The following ZNF800 variants were observed in gnomAD, a reference collection of about 807,000 sequenced individuals.
The protein encoded by ZNF800 is zinc finger protein 800.
In ZNF800, 13 loss-of-function variants were observed where a neutral mutation model predicts 59.5. That is an observed-to-expected ratio of 0.22 (90% confidence interval 0.14 to 0.35). The LOEUF (loss-of-function observed/expected upper bound fraction) is 0.35. ZNF800 is among the 10% of genes least tolerant of loss of function. ZNF800 has a pLI of 1.00. For missense variants in ZNF800, 621 were observed against 783.7 expected, an observed-to-expected ratio of 0.79 and a Z score of 2.48; for synonymous variants, 266 against 265.7, an observed-to-expected ratio of 1.00 and a Z score of -0.01.
intron 4 of ZNF800, among the ~76,000 whole-genome samples, 188 bp from the exon 5 acceptor site, chr7:127,375,222 A>T (rs909464895): frequency 2.0e-5 from 3 of 152,090 alleles, no homozygotes; most frequent in Non-Finnish European, 4.4e-5. Context: ...ATTTCCTTTA[A>T]ATTCTCATCA....
At chr7:127,389,340 A>G (rs1801236142) in intron 2 of ZNF800, among the ~76,000 whole-genome samples, 1 of 152,208 alleles carries the variant, frequency 6.6e-6, no homozygotes, top group Non-Finnish European at 1.5e-5. Context: ...TAACTAAGAA[A>G]ATACATACAC....
At position 127,374,814 on chromosome 7, in the gene ZNF800, G is replaced by A. The variant is rs746258100; in HGVS notation, c.522C>T (p.Ser174=). The A allele has an allele frequency of 5.6e-6, 9 of 1,613,302 alleles. No individual in the cohort carries two copies. The Admixed American group carries it at 1.3e-4, about 24-fold the overall frequency. ...EQTEVQIQET[S]TEQSKTVPVT... is the part of the protein sequence containing the mutation. ...CCGGTACTGTTTTTGACTGTTCAGTGCTAGTTTCCTGTATCTGAACTTCGG... is the reference window on the plus strand; with the variant it reads ...CCGGTACTGTTTTTGACTGTTCAGTACTAGTTTCCTGTATCTGAACTTCGG... Residue 174 remains serine, a synonymous_variant, in exon 5 of 6, where the codon AGC becomes AGT. Coordinates refer to ENST00000265827, the MANE Select transcript of ZNF800 (RefSeq NM_176814.5).
At chr7:127,349,152 A>G (rs1044843194) in intron 1 of ZNF800, among the ~76,000 whole-genome samples, 1 of 152,190 alleles carries the variant, frequency 6.6e-6, no homozygotes, top group Admixed American at 6.5e-5. Context: ...AAACAGAAAA[A>G]TGTGGGACAA....
chr7:127,358,690 A>G (rs186487694), intron 1 of ZNF800, among the ~76,000 whole-genome samples: 3 of 152,216 alleles, frequency 2.0e-5, no homozygotes, highest in Admixed American at 1.3e-4. Context: ...TTTAGGAATT[A>G]TAAGTCTTTC....
chr7:127,381,767 G>C lies in ZNF800; in HGVS notation c.157+4293C>G, dbSNP rs1800984405. ...GTCCCATTTTAAATTTCCTATAACT[G>C]CTATATAACAACAAAAAAAGAAAAA... On this transcript the variant is annotated intron_variant, in intron 3 of 5. Transcript: ENST00000265827. Among the ~76,000 whole-genome samples the C allele has an allele frequency of 1.3e-5, 2 of 151,932 alleles. 1 individual carries two copies. The highest frequency in any genetic ancestry group is 4.2e-4 in the South Asian group (2 of 4,812).
rs1419864050 is a variant in ZNF800, at chr7:127,371,543, T to G, written c.*271A>C. The G allele has an allele frequency of 3.0e-6, 1 of 330,204 alleles. No individual in the cohort carries two copies. Among genetic ancestry groups the G allele is most frequent in the Non-Finnish European group, 5.5e-6 (1 of 182,178 alleles). 20.5% of individuals were successfully genotyped at this position (330,204 alleles called of 1,614,324 possible). On this transcript the variant is annotated 3_prime_UTR_variant, in exon 6 of 6. Transcript: ENST00000265827. ...ATTTTTGTAGAAACTGTCGACCAAA[T>G]GCACAAGGTCAAGGGTGGATAGCTG...
chr7:127,370,464 G>A lies in ZNF800; in HGVS notation c.*1350C>T, dbSNP rs545249448. 1.9e-4 allele frequency: 29 copies of A among 152,652 alleles called. No homozygotes were observed. Among genetic ancestry groups the A allele is most frequent in the Non-Finnish European group, 3.4e-4 (23 of 67,978 alleles). 9.5% of individuals were successfully genotyped at this position (152,652 alleles called of 1,614,324 possible). A position where few individuals can be genotyped will look rare whatever the true frequency, so the allele number is the denominator to read the frequency against. ...TCCAGCAATAGTTACAGTCTTTCTA[G>A]TTTCCTTTCACAGTATATTTTAGTG... is the stretch of plus-strand genomic sequence containing the variant. On this transcript the variant is annotated 3_prime_UTR_variant, in exon 6 of 6. Coordinates refer to ENST00000265827, the MANE Select transcript of ZNF800 (RefSeq NM_176814.5).
At chr7:127,360,552 G>A (rs561677216) in intron 1 of ZNF800, 8 of 151,938 alleles carry the variant, frequency 5.3e-5, no homozygotes, top group Admixed American at 6.6e-5. Context: ...TCTCCAAAGA[G>A]ACCCAAACTG....
Position 127,371,731 on chromosome 7 carries a change from A to G in ZNF800, c.*83T>C. On this transcript the variant is annotated 3_prime_UTR_variant, in exon 6 of 6. Coordinates refer to ENST00000265827, the MANE Select transcript of ZNF800 (RefSeq NM_176814.5). ...CTTTTTTTCCTCATAGTACCATTTG[A>G]AGATGTTTAGTGGTTCTAACACCAA... 1 of 687,694 alleles carries G rather than the reference A, an allele frequency of 1.5e-6. No individual in the cohort carries two copies. The highest frequency in any genetic ancestry group is 2.7e-6 in the Non-Finnish European group (1 of 374,836). The allele number at this position is 687,694 out of a possible 1,614,324, so 42.6% of individuals were successfully genotyped here.
chr7:127,372,810 T>G (rs1371044362), intron 5 of ZNF800: 1 of 985,306 alleles, frequency 1.0e-6, no homozygotes, highest in African/African-American at 1.7e-5. Flanking sequence ...TTTAATTCAA[T>G]TCGGGGATTT....
At chr7:127,391,702 C>T in intron 1 of ZNF800, 87 bp from the exon 2 acceptor site, 1 of 703,608 alleles carries the variant, frequency 1.4e-6, no homozygotes, top group Non-Finnish European at 2.6e-6. Context: ...CCATCATCAG[C>T]TCTCCGCTTT....
At chr7:127,378,235 G>A (rs1013489342) in intron 3 of ZNF800, among the ~76,000 whole-genome samples, 18 of 151,890 alleles carry the variant, frequency 1.2e-4, no homozygotes, top group Non-Finnish European at 2.4e-4. Flanking sequence ...AATATCTTTA[G>A]GCAGAGAAAA....
chr7:127,388,864 C>T (rs918379608), intron 2 of ZNF800, among the ~76,000 whole-genome samples: 1 of 152,180 alleles, frequency 6.6e-6, no homozygotes, highest in Non-Finnish European at 1.5e-5. Context: ...TGAAAACATA[C>T]TCTCAACTCT....
At chr7:127,391,443 A>C (rs1380747409) in intron 2 of ZNF800, 54 bp downstream of exon 2, 2 of 1,552,298 alleles carry the variant, frequency 1.3e-6, no homozygotes, top group Non-Finnish European at 8.9e-7. Flanking sequence ...AAAAAAGAGA[A>C]GGCAGAGTGG....
chr7:127,349,418 C>G (rs1800131554), intron 1 of ZNF800, among the ~76,000 whole-genome samples: 1 of 152,066 alleles, frequency 6.6e-6, no homozygotes, highest in Non-Finnish European at 1.5e-5. Flanking sequence ...GGTTCCAGGA[C>G]TTTGTTATTA....
intron 1 of ZNF800, chr7:127,361,584 A>C (rs1225906176): frequency 1.3e-5 from 2 of 152,012 alleles, no homozygotes; most frequent in Non-Finnish European, 2.9e-5. Context: ...AAGAAAAATC[A>C]ATCTGGCCTC....
chr7:127,380,235 A>G (rs1278623370), intron 3 of ZNF800, among the ~76,000 whole-genome samples: 1 of 152,144 alleles, frequency 6.6e-6, no homozygotes, highest in Admixed American at 6.5e-5. Flanking sequence ...TATCGCCATT[A>G]AACTGGAAGA....
At chr7:127,359,920 A>C (rs1250854928) in intron 1 of ZNF800, 1 of 6,996 alleles carries the variant, frequency 1.4e-4, no homozygotes, top group Non-Finnish European at 2.4e-4. Flanking sequence ...CACTTAAATG[A>C]AAAAAAAAAA....
chr7:127,346,839 G>T, exon 2 of ZNF800: 1 of 152,582 alleles, frequency 6.6e-6, no homozygotes, highest in East Asian at 1.9e-4. Flanking sequence ...AAGGAGAGGG[G>T]AACTGGGCCC....
Sources: gnomAD v4.1 joint callset for allele counts (sites outside exome capture counted in the v4.1 genomes callset) on GRCh38, gnomAD v4.1.1 for gene constraint, MANE v1.5 for transcripts, NCBI Gene and HGNC (gene_info 2026-07-23, HGNC 2026-07-21) for gene names.